Variants in MRPS28 observed in about 807,000 individuals in gnomAD.
MRPS28 encodes the protein small ribosomal subunit protein bS1m.
Under a neutral mutation model 10.8 loss-of-function variants are expected in MRPS28, and 7 were observed. That is an observed-to-expected ratio of 0.65 (90% CI 0.37 to 1.22). The LOEUF is 1.22. Ranked by LOEUF, MRPS28 falls within the 50% of genes most tolerant of loss-of-function variation. The pLI, the probability that MRPS28 is intolerant of heterozygous loss-of-function variation, is 0.02. For missense variants in MRPS28, 265 were observed against 232.9 expected, an observed-to-expected ratio of 1.14 and a Z score of -0.90; for synonymous variants, 121 against 93.3, an observed-to-expected ratio of 1.30 and a Z score of -1.71.
chr8:79,977,451 T>A (rs1807832587), intron 2 of MRPS28, among the ~76,000 whole-genome samples: 1 of 152,178 alleles, frequency 6.6e-6, no homozygotes. Context: ...GATTTAAAGC[T>A]TTAATCTAAA....
At chr8:79,993,590 T>C (rs1259470345) in intron 2 of MRPS28, among the ~76,000 whole-genome samples, 1 of 152,192 alleles carries the variant, frequency 6.6e-6, no homozygotes. Context: ...TTGATCATAT[T>C]TGAACATATT....
At chr8:79,980,271 C>T (rs968832339) in intron 2 of MRPS28, among the ~76,000 whole-genome samples, 1 of 152,128 alleles carries the variant, frequency 6.6e-6, no homozygotes, top group Non-Finnish European at 1.5e-5. Flanking sequence ...TAAGATCACA[C>T]AATTAGTTAG....
chr8:79,932,924 C>A (rs142373617), intron 2 of MRPS28, among the ~76,000 whole-genome samples: 97 of 152,306 alleles, frequency 6.4e-4, no homozygotes, highest in African/African-American at 2.0e-3. Context: ...AAAACCACTC[C>A]TTCCTATCAG....
intron 2 of MRPS28, chr8:79,957,657 T>C (rs1217348488): frequency 6.6e-6 from 1 of 151,392 alleles, no homozygotes; most frequent in African/African-American, 2.4e-5. Context: ...AGGTCAAGGA[T>C]ATAGTGAGCC....
At position 79,919,022 on chromosome 8, in the gene MRPS28, C is replaced by G. The variant is rs1364570852; in HGVS notation, c.522G>C (p.Glu174Asp). Residue 174 changes from glutamate (E) to aspartate (D), a missense_variant, in exon 3 of 3, where the codon GAG becomes GAC. Coordinates refer to ENST00000276585, the MANE Select transcript of MRPS28 (RefSeq NM_014018.3). ...EANAVLLGIQ[E>D]SKDSRSKEEH... ...CTTCTTTCGATCTTGAGTCTTTACT[C>G]TCCTGGATTCCCAAGAGAACTGCAT... 5 of 1,591,342 alleles carry G rather than the reference C, an allele frequency of 3.1e-6. No individual in the cohort carries two copies. In the Admixed American group the frequency reaches 9.1e-5, roughly 29 times the overall value.
At chr8:79,961,793 A>G (rs534311763) in intron 2 of MRPS28, among the ~76,000 whole-genome samples, 1 of 152,160 alleles carries the variant, frequency 6.6e-6, no homozygotes, top group Non-Finnish European at 1.5e-5. Flanking sequence ...TGTCAAAATA[A>G]TTCTGTATGT....
At chr8:79,957,164 T>G (rs1807239801) in intron 2 of MRPS28, 1 of 152,174 alleles carries the variant, frequency 6.6e-6, no homozygotes, top group Non-Finnish European at 1.5e-5. Flanking sequence ...CCTGCCACAT[T>G]CTGTTTTTTC....
At chr8:79,944,651 A>T (rs1233575375) in intron 2 of MRPS28, among the ~76,000 whole-genome samples, 4 of 151,714 alleles carry the variant, frequency 2.6e-5, no homozygotes, top group Non-Finnish European at 5.9e-5. Flanking sequence ...TATGCATTGA[A>T]CACTGAAGAA....
chr8:79,983,529 A>C (rs1213587900), intron 2 of MRPS28, among the ~76,000 whole-genome samples: 1 of 152,224 alleles, frequency 6.6e-6, no homozygotes, highest in African/African-American at 2.4e-5. Flanking sequence ...ACTTTGAAAA[A>C]AATTTAGACG....
chr8:79,993,530 T>G (rs549975294), intron 2 of MRPS28, among the ~76,000 whole-genome samples: 1 of 152,326 alleles, frequency 6.6e-6, no homozygotes, highest in East Asian at 1.9e-4. Flanking sequence ...TCAGTCTGAA[T>G]TACATGAGTT....
intron 2 of MRPS28, among the ~76,000 whole-genome samples, chr8:79,956,068 AATTTTTTTTT>A (rs1807200798): frequency 6.6e-6 from 1 of 152,068 alleles, no homozygotes. Flanking sequence ...GGCTGGACTG[AATTTTTTTTT>A]ATTTTTTTAA....
intron 1 of MRPS28, among the ~76,000 whole-genome samples, chr8:80,026,817 CTT>C: frequency 6.6e-6 from 1 of 152,280 alleles, no homozygotes; most frequent in African/African-American, 2.4e-5. Context: ...CCATGAAAAA[CTT>C]AATTTTATTG....
intron 2 of MRPS28, among the ~76,000 whole-genome samples, chr8:79,946,976 G>C (rs1806936453): frequency 1.3e-5 from 2 of 152,082 alleles, no homozygotes; most frequent in Non-Finnish European, 2.9e-5. Context: ...TAAGAAATAA[G>C]AAGCAAATAC....
chr8:80,019,714 A>C (rs940504444), intron 1 of MRPS28, among the ~76,000 whole-genome samples: 4 of 152,194 alleles, frequency 2.6e-5, no homozygotes, highest in African/African-American at 9.7e-5. Flanking sequence ...GGATGGCATG[A>C]TGACCTATGT....
intron 1 of MRPS28, among the ~76,000 whole-genome samples, chr8:80,004,091 A>T (rs551245328): frequency 3.3e-5 from 5 of 151,722 alleles, no homozygotes; most frequent in African/African-American, 1.2e-4. Context: ...GGCAGGAAAA[A>T]CCTCTGTAGA....
chr8:80,016,948 T>G (rs1396579718), intron 1 of MRPS28, among the ~76,000 whole-genome samples: 5 of 152,146 alleles, frequency 3.3e-5, no homozygotes, highest in African/African-American at 7.2e-5. Flanking sequence ...ATAAATCAAC[T>G]GGATATGATG....
chr8:79,925,179 T>C (rs1810199085), intron 2 of MRPS28, among the ~76,000 whole-genome samples: 1 of 151,916 alleles, frequency 6.6e-6, no homozygotes, highest in Admixed American at 6.6e-5. Context: ...AGATGTAAAT[T>C]GAGATATAAA....
chr8:79,950,803 C>T (rs1807059419), intron 2 of MRPS28, among the ~76,000 whole-genome samples: 1 of 152,192 alleles, frequency 6.6e-6, no homozygotes, highest in South Asian at 2.1e-4. Flanking sequence ...TGCTATTCAT[C>T]CTGGAGTCAG....
intron 1 of MRPS28, among the ~76,000 whole-genome samples, chr8:80,004,763 A>G (rs1242153558): frequency 1.3e-5 from 2 of 152,256 alleles, no homozygotes; most frequent in Non-Finnish European, 1.5e-5. Flanking sequence ...ATGGTTAACT[A>G]GAATAACCAA....
Sources: allele counts gnomAD v4.1 joint callset (sites outside exome capture counted in the v4.1 genomes callset), GRCh38; gene constraint gnomAD v4.1.1; transcripts MANE v1.5; gene names NCBI Gene and HGNC (gene_info 2026-07-23, HGNC 2026-07-21).